The following ACAD11 variants were observed in gnomAD, a reference collection of about 807,000 sequenced individuals.
ACAD11 encodes the protein acyl-Coenzyme A dehydrogenase family, member 11.
Under a neutral mutation model 102.2 loss-of-function variants are expected in ACAD11, and 83 were observed. The observed-to-expected ratio is 0.81, with a 90% CI of 0.68 to 0.97. ACAD11 has a LOEUF of 0.97. ACAD11 is among the 50% of genes least tolerant of loss of function. ACAD11 has a pLI of 0.00. For missense variants in ACAD11, 901 were observed against 951.7 expected (o/e 0.95, Z 0.70); for synonymous variants, 324 against 319.8 (o/e 1.01, Z -0.14).
intron 17 of ACAD11, among the ~76,000 whole-genome samples, chr3:132,571,208 T>C (rs1013187789): frequency 6.6e-6 from 1 of 152,192 alleles, no homozygotes; most frequent in Admixed American, 6.5e-5. Context: ...TGTTAGATAG[T>C]ATCTCACTGT....
Position 132,590,401 on chromosome 3 carries a change from G to T in ACAD11, c.1622-10843C>A, listed in dbSNP as rs561447730. On this transcript the variant is annotated intron_variant, in intron 13 of 19. Transcript: ENST00000264990. ...GCCTCCTGAGTAGCTGGGATTACAG[G>T]CATGGCCACCATGCTTGGCTAATTT... 5.9e-5 allele frequency among the ~76,000 whole-genome samples: 9 copies of T among 152,252 alleles called. No individual in the cohort carries two copies. The East Asian group carries it at 1.7e-3, about 29-fold the overall frequency.
At chr3:132,562,476 A>G (rs1436880931) in intron 17 of ACAD11, among the ~76,000 whole-genome samples, 1 of 152,204 alleles carries the variant, frequency 6.6e-6, no homozygotes, top group Admixed American at 6.5e-5. Context: ...AGATAGCAGG[A>G]GTAGAATTGT....
At chr3:132,603,081 G>A (rs769584689) in intron 13 of ACAD11, 148 bp downstream of exon 13, 3 of 657,146 alleles carry the variant, frequency 4.6e-6, no homozygotes, top group Non-Finnish European at 7.7e-6. Context: ...GGGATTACAG[G>A]TGTTAGCCAC....
chr3:132,592,783 A>G (rs1576569880), intron 13 of ACAD11, among the ~76,000 whole-genome samples: 1 of 152,176 alleles, frequency 6.6e-6, no homozygotes, highest in Non-Finnish European at 1.5e-5. Context: ...GTACTATTTT[A>G]CAATAAAATT....
intron 17 of ACAD11, among the ~76,000 whole-genome samples, chr3:132,575,372 G>A (rs1486346239): frequency 6.6e-6 from 1 of 152,128 alleles, no homozygotes; most frequent in Non-Finnish European, 1.5e-5. Flanking sequence ...TCCTTTCCCT[G>A]AGTTTTGGGC....
chr3:132,592,383 T>C (rs1204602960), intron 13 of ACAD11, among the ~76,000 whole-genome samples: 1 of 152,186 alleles, frequency 6.6e-6, no homozygotes, highest in Admixed American at 6.5e-5. Flanking sequence ...CAGGCCTTCA[T>C]GAATGAAAAC....
chr3:132,655,704 C>G (rs1192162989), intron 1 of ACAD11, among the ~76,000 whole-genome samples: 2 of 152,164 alleles, frequency 1.3e-5, no homozygotes, highest in East Asian at 3.8e-4. Context: ...AGTTCAGAAG[C>G]TGATTTTCCT....
intron 1 of ACAD11, among the ~76,000 whole-genome samples, chr3:132,658,022 C>T (rs1304356405): frequency 2.0e-5 from 3 of 151,842 alleles, no homozygotes; most frequent in African/African-American, 4.8e-5. Flanking sequence ...CCACCACGCC[C>T]GGCTAATTTT....
chr3:132,638,924 C>T (rs1394694774), intron 5 of ACAD11, among the ~76,000 whole-genome samples: 1 of 152,110 alleles, frequency 6.6e-6, no homozygotes, highest in Non-Finnish European at 1.5e-5. Context: ...TACTGTAATC[C>T]TAGGCCTCAT....
intron 18 of ACAD11, 98 bp downstream of exon 18, chr3:132,561,003 A>T: frequency 1.2e-6 from 1 of 861,422 alleles, no homozygotes; most frequent in Non-Finnish European, 1.9e-6. Context: ...CAATATTCTG[A>T]GTGCCATCAA....
intron 13 of ACAD11, among the ~76,000 whole-genome samples, chr3:132,585,722 CAA>C (rs1937786815): frequency 6.6e-6 from 1 of 152,122 alleles, no homozygotes; most frequent in Non-Finnish European, 1.5e-5. Context: ...TTTATGCAGC[CAA>C]AAGACACATG....
At chr3:132,592,046 C>A (rs1938104583) in intron 13 of ACAD11, among the ~76,000 whole-genome samples, 1 of 151,958 alleles carries the variant, frequency 6.6e-6, no homozygotes, top group African/African-American at 2.4e-5. Flanking sequence ...AATTAATATT[C>A]TAAAAAATAC....
intron 17 of ACAD11, among the ~76,000 whole-genome samples, chr3:132,573,130 C>A (rs759952722): frequency 6.6e-6 from 1 of 152,220 alleles, no homozygotes; most frequent in South Asian, 2.1e-4. Flanking sequence ...CTCCCCATGT[C>A]CATGTGTTCT....
At chr3:132,644,945 C>T (rs994260667) in intron 1 of ACAD11, 49 bp from the exon 2 acceptor site, 12 of 1,122,772 alleles carry the variant, frequency 1.1e-5, no homozygotes, top group Middle Eastern at 2.0e-4. Flanking sequence ...ATATGTTTTC[C>T]GTCATCCCCA....
At chr3:132,604,349 A>G (rs1190768617) in intron 12 of ACAD11, among the ~76,000 whole-genome samples, 1 of 152,232 alleles carries the variant, frequency 6.6e-6, no homozygotes, top group Non-Finnish European at 1.5e-5. Context: ...ATGTATAAGA[A>G]AAAACATAGT....
chr3:132,565,400 T>C (rs1292257221), intron 17 of ACAD11, among the ~76,000 whole-genome samples: 3 of 152,120 alleles, frequency 2.0e-5, no homozygotes, highest in African/African-American at 7.2e-5. Context: ...TGATGGAAGC[T>C]GGGAGGGGAA....
intron 17 of ACAD11, among the ~76,000 whole-genome samples, chr3:132,572,949 CA>C (rs1425059662): frequency 6.6e-6 from 1 of 152,132 alleles, no homozygotes; most frequent in Non-Finnish European, 1.5e-5. Flanking sequence ...TTCCGGGATA[CA>C]AGTGCAAAAT....
intron 13 of ACAD11, among the ~76,000 whole-genome samples, chr3:132,581,236 C>G (rs978779281): frequency 2.0e-5 from 3 of 151,934 alleles, no homozygotes; most frequent in African/African-American, 7.2e-5. Flanking sequence ...AATAGTTCAA[C>G]TTAGAATTTT....
chr3:132,575,739 C>A, intron 17 of ACAD11, 33 bp downstream of exon 17: 2 of 1,612,076 alleles, frequency 1.2e-6, no homozygotes, highest in Non-Finnish European at 1.7e-6. Flanking sequence ...GTGCACCGGG[C>A]TACAATAAAT....
Sources: allele counts gnomAD v4.1 joint callset (sites outside exome capture counted in the v4.1 genomes callset), GRCh38; gene constraint gnomAD v4.1.1; transcripts MANE v1.5; gene names NCBI Gene and HGNC (gene_info 2026-07-23, HGNC 2026-07-21).